The following APP variants were observed in gnomAD, a reference collection of about 807,000 sequenced individuals.
The protein encoded by APP is amyloid beta precursor protein, also known as amyloid-beta precursor protein.
APP carries 31 observed loss-of-function variants against 101.4 expected under a neutral mutation model. That is an observed-to-expected ratio of 0.31 (90% confidence interval 0.23 to 0.41). The LOEUF (loss-of-function observed/expected upper bound fraction) is 0.41, where lower values mean the gene tolerates loss of function less well. Ranked by LOEUF, APP falls within the 10% of genes least tolerant of loss-of-function variation. The pLI is 1.00. For missense variants in APP, 839 were observed against 1,003.7 expected (o/e 0.84, Z 2.22); for synonymous variants, 366 against 364.4 (o/e 1.00, Z -0.05).
At chr21:26,046,593 C>T (rs375494082) in intron 5 of APP, among the ~76,000 whole-genome samples, 25 of 151,820 alleles carry the variant, frequency 1.6e-4, no homozygotes, top group Admixed American at 5.2e-4. Context: ...CATCAAGTTA[C>T]CTCTCAGCAC....
rs148567113 is a variant in APP at position 26,018,627 on chromosome 21, C to T, written c.865+3213G>A. On this transcript the variant is annotated intron_variant, in intron 6 of 17. Transcript: ENST00000346798. ...ACCATAACATGTTTCTGTTAGGCCC[C>T]CTTTCCCAGGAAGACTTGCCTCAAT... is the stretch of plus-strand genomic sequence containing the variant. Among the ~76,000 whole-genome samples, 345 of 152,232 alleles carry T rather than the reference C, an allele frequency of 2.3e-3. 2 individuals are homozygous for T. The highest frequency in any genetic ancestry group is 8.0e-3 in the African/African-American group (334 of 41,530).
At chr21:26,133,886 T>C (rs2062843755) in intron 1 of APP, among the ~76,000 whole-genome samples, 1 of 152,232 alleles carries the variant, frequency 6.6e-6, no homozygotes, top group East Asian at 1.9e-4. Context: ...TTTGATATGG[T>C]TGACCAGATA....
At position 25,981,711 on chromosome 21, in the gene APP, GTT is replaced by G. The variant is rs11330953; in HGVS notation, c.1224+631_1224+632del. 5.3e-3 allele frequency among the ~76,000 whole-genome samples: 671 copies of G among 127,320 alleles called. 6 individuals are homozygous for G. The highest frequency in any genetic ancestry group is 0.018 in the African/African-American group (632 of 35,616). 83.5% of individuals were successfully genotyped at this position (127,320 alleles called of 152,430 possible). A position where few individuals can be genotyped will look rare whatever the true frequency, so the allele number is the denominator to read the frequency against. ...AAAAAAACAAACCAAACCAAAACAG[GTT>G]TTTTTTTTTTTTTTTTTTTTCAGCA... On this transcript the variant is annotated intron_variant, in intron 9 of 17. Transcript: ENST00000346798.
At chr21:25,915,378 G>T (rs1426509378) in intron 13 of APP, among the ~76,000 whole-genome samples, 2 of 152,212 alleles carry the variant, frequency 1.3e-5, no homozygotes, top group East Asian at 1.9e-4. Flanking sequence ...AGGAGACTGA[G>T]GCTGGGAGAA....
At chr21:25,984,312 A>C (rs968754635) in intron 8 of APP, among the ~76,000 whole-genome samples, 2 of 152,212 alleles carry the variant, frequency 1.3e-5, no homozygotes, top group African/African-American at 4.8e-5. Context: ...CTAACAAAAA[A>C]TAAATAAAAT....
chr21:25,941,198 A>G (rs200332111), intron 13 of APP: 1 of 152,238 alleles, frequency 6.6e-6, no homozygotes, highest in African/African-American at 2.4e-5. Context: ...GGCAGATGGA[A>G]TAACATAAAT....
intron 13 of APP, among the ~76,000 whole-genome samples, chr21:25,939,687 G>A (rs866053913): frequency 1.3e-5 from 2 of 152,106 alleles, no homozygotes; most frequent in South Asian, 2.1e-4. Context: ...TCATGATACT[G>A]ACATTGCCAA....
intron 8 of APP, 41 bp downstream of exon 8, chr21:25,997,319 C>A (rs1326988901): frequency 4.4e-6 from 7 of 1,586,476 alleles, no homozygotes; most frequent in East Asian, 2.2e-5. Flanking sequence ...AAGCAGCATC[C>A]TCCTCCCCTC....
chr21:25,980,993 A>G (rs1026457422), intron 9 of APP, among the ~76,000 whole-genome samples: 2 of 152,198 alleles, frequency 1.3e-5, no homozygotes, highest in Non-Finnish European at 2.9e-5. Context: ...AATAATGGTG[A>G]TGGGGCATGA....
chr21:26,028,621 A>G (rs1169025908), intron 5 of APP, among the ~76,000 whole-genome samples: 4 of 152,200 alleles, frequency 2.6e-5, no homozygotes, highest in Non-Finnish European at 5.9e-5. Context: ...AGGCATATGT[A>G]CAAATTGATG....
At chr21:25,905,872 C>T (rs182188738) in intron 14 of APP, among the ~76,000 whole-genome samples, 2 of 152,214 alleles carry the variant, frequency 1.3e-5, no homozygotes, top group East Asian at 3.8e-4. Flanking sequence ...CCTTGTTTTA[C>T]GCTGGCGTTT....
chr21:26,008,067 T>TA (rs1555844177), intron 6 of APP, among the ~76,000 whole-genome samples: 207 of 152,304 alleles, frequency 1.4e-3, no homozygotes, highest in African/African-American at 4.9e-3. Context: ...TACAAGAGGA[T>TA]GGTGCTAATT....
intron 1 of APP, among the ~76,000 whole-genome samples, chr21:26,134,368 C>T (rs2062853159): frequency 6.6e-6 from 1 of 152,208 alleles, no homozygotes; most frequent in Non-Finnish European, 1.5e-5. Flanking sequence ...TGCTTCTGAC[C>T]AACTGGCTAC....
intron 15 of APP, among the ~76,000 whole-genome samples, chr21:25,899,109 ACT>A (rs931485091): frequency 6.6e-6 from 1 of 152,170 alleles, no homozygotes; most frequent in African/African-American, 2.4e-5. Context: ...AATCAATGTC[ACT>A]CTATACCTGG....
intron 1 of APP, among the ~76,000 whole-genome samples, chr21:26,161,760 AT>A (rs1309894723): frequency 6.6e-6 from 1 of 152,240 alleles, no homozygotes; most frequent in East Asian, 1.9e-4. Flanking sequence ...GTGTTAAACC[AT>A]AATAAGCAAT....
chr21:25,926,853 A>C (rs1386779395), intron 13 of APP, among the ~76,000 whole-genome samples: 1 of 151,982 alleles, frequency 6.6e-6, no homozygotes, highest in African/African-American at 2.4e-5. Flanking sequence ...AATACAAAAA[A>C]AATTAGCCAG....
intron 1 of APP, among the ~76,000 whole-genome samples, chr21:26,113,401 T>A (rs1004094938): frequency 1.3e-5 from 2 of 152,174 alleles, no homozygotes; most frequent in Non-Finnish European, 1.5e-5. Flanking sequence ...ATAAGATACC[T>A]CTGGCCATTT....
At chr21:26,106,638 G>A (rs1009581318) in intron 2 of APP, among the ~76,000 whole-genome samples, 3 of 152,100 alleles carry the variant, frequency 2.0e-5, no homozygotes, top group Non-Finnish European at 4.4e-5. Flanking sequence ...CACGGAGCTC[G>A]GCCAAAACCT....
intron 8 of APP, among the ~76,000 whole-genome samples, chr21:25,985,979 G>A (rs993909325): frequency 2.0e-5 from 3 of 152,200 alleles, no homozygotes; most frequent in Non-Finnish European, 2.9e-5. Context: ...CTCTGCAGCT[G>A]GTGAGGATCC....
Sources: gnomAD v4.1 joint callset for allele counts (sites outside exome capture counted in the v4.1 genomes callset) on GRCh38, gnomAD v4.1.1 for gene constraint, MANE v1.5 for transcripts, NCBI Gene and HGNC (gene_info 2026-07-23, HGNC 2026-07-21) for gene names.